Variants in SETD2 observed in about 807,000 individuals in gnomAD.
The protein encoded by SETD2 is SET domain containing 2, histone lysine methyltransferase.
Under a neutral mutation model 242.1 loss-of-function variants are expected in SETD2, and 31 were observed. That is an observed-to-expected ratio of 0.13 (90% CI 0.10 to 0.17). The LOEUF is 0.17. SETD2 is among the 10% of genes least tolerant of loss of function. The pLI is 1.00. For missense variants in SETD2, 2,481 were observed against 3,046.3 expected, an observed-to-expected ratio of 0.81 and a Z score of 4.37; for synonymous variants, 1,006 against 1,066.5, an observed-to-expected ratio of 0.94 and a Z score of 1.11.
At chr3:47,097,649 C>T (rs904468205) in intron 9 of SETD2, among the ~76,000 whole-genome samples, 2 of 152,124 alleles carry the variant, frequency 1.3e-5, no homozygotes, top group Non-Finnish European at 2.9e-5. Flanking sequence ...AGATTAGAAA[C>T]GTACAGCAGA....
In SETD2 at chr3:47,102,929, T is replaced by C. The variant is rs187928377; in HGVS notation, c.4917+417A>G. Reference sequence around the variant, plus strand: ...AAAATTAAAATTTAGTTTTGTATTTTGGCACCATTAAAATAATATACAAAA... The same window carrying C: ...AAAATTAAAATTTAGTTTTGTATTTCGGCACCATTAAAATAATATACAAAA... On this transcript the variant is annotated intron_variant, in intron 7 of 20. Coordinates refer to ENST00000409792, the MANE Select transcript of SETD2 (RefSeq NM_014159.7). Among the ~76,000 whole-genome samples the C allele has an allele frequency of 7.9e-4, 121 of 152,306 alleles. 1 individual carries two copies. The East Asian group carries it at 0.019, about 23-fold the overall frequency.
intron 8 of SETD2, among the ~76,000 whole-genome samples, chr3:47,100,347 G>A (rs1419408944): frequency 2.0e-5 from 3 of 151,862 alleles, no homozygotes; most frequent in South Asian, 2.1e-4. Context: ...TGCAACCTCC[G>A]CCTCCCAGGT....
intron 10 of SETD2, among the ~76,000 whole-genome samples, chr3:47,086,924 T>C (rs1209003391): frequency 6.6e-6 from 1 of 151,768 alleles, no homozygotes; most frequent in Non-Finnish European, 1.5e-5. Context: ...CCTGTAGTCC[T>C]AGATACTCAG....
chr3:47,109,384 G>A (rs566552809), intron 5 of SETD2, among the ~76,000 whole-genome samples: 7 of 152,246 alleles, frequency 4.6e-5, no homozygotes, highest in African/African-American at 1.4e-4. Context: ...GGTGGCTCAC[G>A]CCTGTAATAC....
intron 1 of SETD2, among the ~76,000 whole-genome samples, chr3:47,136,731 A>C (rs1575834689): frequency 6.6e-6 from 1 of 152,192 alleles, no homozygotes; most frequent in South Asian, 2.1e-4. Context: ...AGATAGGTGG[A>C]TCACCTGAGG....
rs59408277 is a variant in SETD2, at chr3:47,044,344, C to CAA, written c.7099-1646_7099-1645dup. Among the ~76,000 whole-genome samples the CAA allele has an allele frequency of 1.6e-3, 55 of 33,948 alleles. 6 individuals are homozygous for CAA. Among genetic ancestry groups the CAA allele is most frequent in the Non-Finnish European group, 1.8e-3 (35 of 19,808 alleles). 22.3% of individuals were successfully genotyped at this position (33,948 alleles called of 152,430 possible). A position where few individuals can be genotyped will look rare whatever the true frequency, so the allele number is the denominator to read the frequency against. Reference sequence around the variant, plus strand: ...TGGGCAACAAAGCAAGACTTCATCTCAAAAAAAAAAAAAAAAAAAAAAAAA... The same window carrying CAA: ...TGGGCAACAAAGCAAGACTTCATCTCAAAAAAAAAAAAAAAAAAAAAAAAAAA... On this transcript the variant is annotated intron_variant, in intron 16 of 20. Transcript: ENST00000409792.
Position 47,067,086 on chromosome 3 carries a change from A to G in SETD2, c.6093T>C (p.Thr2031=). 6.2e-7 allele frequency: 1 copy of G among 1,611,764 alleles called. No individual in the cohort carries two copies. The highest frequency in any genetic ancestry group is 1.1e-5 in the South Asian group (1 of 91,034). The change falls in exon 13 of 21, where the codon ACT becomes ACC. Residue 2031 remains threonine, a synonymous_variant. Coordinates refer to ENST00000409792, the MANE Select transcript of SETD2 (RefSeq NM_014159.7). The stretch of plus-strand genomic sequence containing the variant: ...AATACCTACTTGTGTTTTCCTTTTC[A>G]GTTTGACTTTTCTTTGGAATTCGAT... ...EVYRIPKKSQ[T]EKENTTTERG... is the part of the protein sequence containing the mutation.
chr3:47,107,720 CGG>C lies in SETD2; in HGVS notation c.4716-1602_4716-1601del, dbSNP rs1184327932. On this transcript the variant is annotated intron_variant, in intron 5 of 20. Transcript: ENST00000409792. Reference sequence around the variant, plus strand: ...GAAAAAGAAAAGTCACTTTGGGTGGCGGGGGGGGGTGGGGGGGGGGTGGCAGG... The same window carrying C: ...GAAAAAGAAAAGTCACTTTGGGTGGCGGGGGGGTGGGGGGGGGGTGGCAGG... Among the ~76,000 whole-genome samples the C allele has an allele frequency of 1.9e-4, 25 of 129,770 alleles. 1 individual carries two copies. The highest frequency in any genetic ancestry group is 3.2e-4 in the Non-Finnish European group (19 of 60,046). 85.1% of individuals were successfully genotyped at this position (129,770 alleles called of 152,430 possible).
At chr3:47,033,528 T>G (rs1226310175) in intron 18 of SETD2, among the ~76,000 whole-genome samples, 1 of 152,150 alleles carries the variant, frequency 6.6e-6, no homozygotes, top group Non-Finnish European at 1.5e-5. Context: ...TGAGGGGGAC[T>G]CAGCTCTTGA....
At chr3:47,126,690 G>A in intron 1 of SETD2, 27 bp from the exon 2 acceptor site, 3 of 1,271,316 alleles carry the variant, frequency 2.4e-6, no homozygotes, top group Non-Finnish European at 3.3e-6. Flanking sequence ...AAGAAAACAT[G>A]CAAAAGAATA....
chr3:47,122,334 C>T lies in SETD2; in HGVS notation c.2302G>A (p.Val768Met), dbSNP rs9311404. Residue 768 changes from valine (V) to methionine (M), a missense_variant, in exon 3 of 21, where the codon GTG (valine) becomes ATG (methionine). Coordinates refer to ENST00000409792, the MANE Select transcript of SETD2 (RefSeq NM_014159.7). ...DKLMSMPVMT[V>M]DYSKTVVKEP... ...TTAACTACTGTTTTGGAATAATCCA[C>T]AGTCATAACTGGCATAGACATGAGT... 2 of 1,614,068 alleles carry T rather than the reference C, an allele frequency of 1.2e-6. No individual in the cohort carries two copies. Among genetic ancestry groups the T allele is most frequent in the Admixed American group, 1.7e-5 (1 of 60,006 alleles).
chr3:47,044,542 T>C (rs1324797713), intron 16 of SETD2, among the ~76,000 whole-genome samples: 1 of 152,014 alleles, frequency 6.6e-6, no homozygotes, highest in Non-Finnish European at 1.5e-5. Flanking sequence ...CTGCAAGAGC[T>C]TTCTCCAGAA....
intron 1 of SETD2, among the ~76,000 whole-genome samples, chr3:47,137,714 A>C (rs1231714229): frequency 6.6e-6 from 1 of 151,888 alleles, no homozygotes; most frequent in Non-Finnish European, 1.5e-5. Context: ...TCTGAGACAG[A>C]ATCTTGCTGT....
chr3:47,065,056 G>A (rs968911374), intron 13 of SETD2, among the ~76,000 whole-genome samples: 2 of 152,152 alleles, frequency 1.3e-5, no homozygotes, highest in East Asian at 1.9e-4. Context: ...ATGGAGAAAC[G>A]CTCATAGGTA....
At chr3:47,091,443 A>G (rs1300257665) in intron 9 of SETD2, among the ~76,000 whole-genome samples, 2 of 152,168 alleles carry the variant, frequency 1.3e-5, no homozygotes, top group Admixed American at 6.5e-5. Context: ...CCTGGCAAAC[A>G]TGGTAAAACC....
chr3:47,037,885 G>C (rs1358596491), intron 17 of SETD2, 108 bp from the exon 18 acceptor site: 13 of 777,164 alleles, frequency 1.7e-5, no homozygotes, highest in Middle Eastern at 2.5e-4. Flanking sequence ...ATAAGACATA[G>C]AATAAGTCAG....
rs773058088 is a variant in SETD2, at chr3:47,057,540, C to A, written c.6294-50G>T. ...AAAGTTGCTCCCTAAATCATAGACA[C>A]AATCAAAGCACTAATAAGTATTATG... is the stretch of plus-strand genomic sequence containing the variant. On this transcript the variant is annotated intron_variant, in intron 14 of 20. Coordinates refer to ENST00000409792, the MANE Select transcript of SETD2 (RefSeq NM_014159.7). 24 of 1,334,114 alleles carry A rather than the reference C, an allele frequency of 1.8e-5. No individual in the cohort carries two copies. In the Admixed American group the frequency reaches 4.2e-4, roughly 23 times the overall value. The allele number at this position is 1,334,114 out of a possible 1,614,324, so 82.6% of individuals were successfully genotyped here.
intron 1 of SETD2, among the ~76,000 whole-genome samples, chr3:47,139,370 A>G (rs2043670564): frequency 6.6e-6 from 1 of 152,016 alleles, no homozygotes; most frequent in Non-Finnish European, 1.5e-5. Flanking sequence ...ACTAAATTCA[A>G]CTCCTACAGC....
chr3:47,063,368 G>T (rs1195907364), intron 13 of SETD2, among the ~76,000 whole-genome samples: 1 of 152,096 alleles, frequency 6.6e-6, no homozygotes, highest in Non-Finnish European at 1.5e-5. Flanking sequence ...CCAGCTACTT[G>T]CAAGAGGCTG....
Sources: allele counts gnomAD v4.1 joint callset (sites outside exome capture counted in the v4.1 genomes callset), GRCh38; gene constraint gnomAD v4.1.1; transcripts MANE v1.5; gene names NCBI Gene and HGNC (gene_info 2026-07-23, HGNC 2026-07-21).